The following DPYSL3 variants were observed in gnomAD, a reference collection of about 807,000 sequenced individuals.
DPYSL3 encodes the protein dihydropyrimidinase like 3, also known as dihydropyrimidinase-related protein 3.
DPYSL3 carries 16 observed loss-of-function variants against 66.1 expected under a neutral mutation model. The ratio of observed to expected loss-of-function variants is 0.24; its 90% CI spans 0.16 to 0.37. DPYSL3 has a LOEUF of 0.37. Ranked by LOEUF, DPYSL3 falls within the 10% of genes least tolerant of loss-of-function variation. The probability of loss-of-function intolerance (pLI) is 1.00; values close to 1 mark genes in which losing one functional copy is unlikely to be tolerated. For synonymous variants in DPYSL3, 338 were observed against 345.1 expected, an observed-to-expected ratio of 0.98 and a Z score of 0.23; for missense variants, 738 against 916.2, an observed-to-expected ratio of 0.81 and a Z score of 2.51.
At chr5:147,433,318 G>A (rs1245587158) in intron 1 of DPYSL3, among the ~76,000 whole-genome samples, 1 of 152,182 alleles carries the variant, frequency 6.6e-6, no homozygotes, top group Non-Finnish European at 1.5e-5. Flanking sequence ...GATGGGGAAA[G>A]AGGCAGGGTG....
chr5:147,474,985 C>T (rs1205573027), intron 1 of DPYSL3, among the ~76,000 whole-genome samples: 4 of 151,892 alleles, frequency 2.6e-5, no homozygotes, highest in African/African-American at 9.7e-5. Flanking sequence ...GCACTTTTCT[C>T]ACATATTACT....
At chr5:147,441,034 A>G (rs1752522835) in intron 1 of DPYSL3, among the ~76,000 whole-genome samples, 2 of 152,230 alleles carry the variant, frequency 1.3e-5, no homozygotes, top group Admixed American at 1.3e-4. Context: ...CATATACACA[A>G]TTATGGTTGA....
chr5:147,487,515 T>C (rs1383740437), intron 1 of DPYSL3, among the ~76,000 whole-genome samples: 2 of 152,166 alleles, frequency 1.3e-5, no homozygotes, highest in African/African-American at 2.4e-5. Flanking sequence ...CTGTGCCACT[T>C]TTCTTTTATT....
In DPYSL3 at chr5:147,412,615, A is replaced by G; in HGVS notation, c.956T>C (p.Ile319Thr). ...AQVHAENGDI[I>T]AQEQTRMLEM... ...GGAGCTGCACGGTGTTACCTGGGCA[A>G]TGATATCCCCATTCTCAGCATGAAC... The change falls in exon 6 of 14, where the codon ATT becomes ACT. Residue 319 changes from isoleucine (I) to threonine (T), a missense_variant. Transcript: ENST00000343218. 1 of 1,612,316 alleles carries G rather than the reference A, an allele frequency of 6.2e-7. No homozygotes were observed. The highest frequency in any genetic ancestry group is 8.5e-7 in the Non-Finnish European group (1 of 1,179,208).
At chr5:147,403,643 A>G (rs1195535670) in intron 8 of DPYSL3, among the ~76,000 whole-genome samples, 1 of 152,180 alleles carries the variant, frequency 6.6e-6, no homozygotes, top group African/African-American at 2.4e-5. Context: ...GAGCAGCCAT[A>G]TAGTTAAAGA....
chr5:147,500,025 C>CA (rs1472496456), intron 1 of DPYSL3, among the ~76,000 whole-genome samples: 1 of 152,054 alleles, frequency 6.6e-6, no homozygotes, highest in Non-Finnish European at 1.5e-5. Flanking sequence ...ATGCCATTCA[C>CA]AAAAAATAAC....
chr5:147,442,370 T>A (rs929654539), intron 1 of DPYSL3, among the ~76,000 whole-genome samples: 4 of 152,124 alleles, frequency 2.6e-5, no homozygotes, highest in Non-Finnish European at 4.4e-5. Context: ...AGAAAACAAA[T>A]GTGCTCATTC....
At chr5:147,406,531 G>A (rs1210907258) in intron 7 of DPYSL3, among the ~76,000 whole-genome samples, 1 of 152,162 alleles carries the variant, frequency 6.6e-6, no homozygotes, top group East Asian at 1.9e-4. Context: ...GGGCTGTGGT[G>A]AGGATTAAAT....
chr5:147,475,132 C>T lies in DPYSL3; in HGVS notation c.381+34346G>A, dbSNP rs188454797. On this transcript the variant is annotated intron_variant, in intron 1 of 13. Transcript: ENST00000343218. ...CCAGAGAAATGAAAACTTACATCCC[C>T]GCAAAAACCTGTAGGGGAATGTTCA... Among the ~76,000 whole-genome samples, 6 of 152,130 alleles carry T rather than the reference C, an allele frequency of 3.9e-5. No homozygotes were observed. The East Asian group carries it at 5.8e-4, about 15-fold the overall frequency.
At chr5:147,491,357 T>G (rs1412059477) in intron 1 of DPYSL3, among the ~76,000 whole-genome samples, 1 of 152,166 alleles carries the variant, frequency 6.6e-6, no homozygotes, top group Non-Finnish European at 1.5e-5. Flanking sequence ...AGAGTTCCTT[T>G]TACTCAGTAC....
intron 8 of DPYSL3, among the ~76,000 whole-genome samples, chr5:147,403,428 C>T (rs549914599): frequency 2.6e-5 from 4 of 152,192 alleles, no homozygotes; most frequent in South Asian, 2.1e-4. Context: ...ATAGTAATTA[C>T]ACCTAGATTT....
intron 1 of DPYSL3, among the ~76,000 whole-genome samples, chr5:147,432,050 G>A (rs1004780515): frequency 6.6e-6 from 1 of 152,134 alleles, no homozygotes; most frequent in African/African-American, 2.4e-5. Flanking sequence ...ATTGGGCATA[G>A]TTTACCAGGG....
At chr5:147,394,160 AAC>A (rs756308152) in intron 13 of DPYSL3, 37 bp from the exon 14 acceptor site, 20 of 1,607,382 alleles carry the variant, frequency 1.2e-5, no homozygotes, top group African/African-American at 5.4e-5. Flanking sequence ...GGAAAAAAAA[AAC>A]AGAGTGGCGG....
Position 147,509,897 on chromosome 5 carries a change from C to T in DPYSL3, c.-39G>A. 2.7e-6 allele frequency: 4 copies of T among 1,477,924 alleles called. No individual in the cohort carries two copies. Among genetic ancestry groups the T allele is most frequent in the Non-Finnish European group, 3.6e-6 (4 of 1,115,568 alleles). The allele number at this position is 1,477,924 out of a possible 1,614,324, so 91.6% of individuals were successfully genotyped here. On this transcript the variant is annotated 5_prime_UTR_variant, in exon 1 of 14. Transcript: ENST00000343218. The surrounding 1 kb of genome is among the most constrained non-coding windows in gnomAD (Gnocchi z 5.3). ...AAGCGGCCCGCGGGTTTTTCTTCCC[C>T]AGAGGCGGAAAGGGCAGCCGCCGGC...
chr5:147,458,597 T>C (rs1752886841), intron 1 of DPYSL3, among the ~76,000 whole-genome samples: 1 of 152,164 alleles, frequency 6.6e-6, no homozygotes, highest in South Asian at 2.1e-4. Flanking sequence ...AACCCTCTCT[T>C]AGGGTCTGGA....
intron 1 of DPYSL3, among the ~76,000 whole-genome samples, chr5:147,444,741 A>T (rs2126379626): frequency 6.6e-6 from 1 of 151,974 alleles, no homozygotes. Context: ...TTTAGAATAA[A>T]AACGAGTAAT....
intron 1 of DPYSL3, among the ~76,000 whole-genome samples, chr5:147,432,441 A>G (rs1321207363): frequency 6.6e-6 from 1 of 152,212 alleles, no homozygotes; most frequent in Admixed American, 6.5e-5. Context: ...AGATGTCATT[A>G]TCAAAGGGCC....
intron 1 of DPYSL3, among the ~76,000 whole-genome samples, chr5:147,460,288 G>A (rs1752914407): frequency 6.6e-6 from 1 of 152,168 alleles, no homozygotes; most frequent in African/African-American, 2.4e-5. Flanking sequence ...GAACTTATCT[G>A]AACTTCAGAA....
At chr5:147,423,442 A>G (rs1164589445) in intron 2 of DPYSL3, among the ~76,000 whole-genome samples, 2 of 152,232 alleles carry the variant, frequency 1.3e-5, no homozygotes, top group Non-Finnish European at 2.9e-5. Context: ...CAGAATAATA[A>G]TAGTACAGTA....
Sources: gnomAD v4.1 joint callset for allele counts (sites outside exome capture counted in the v4.1 genomes callset) on GRCh38, gnomAD v4.1.1 for gene constraint, Gnocchi (gnomAD v3.1) non-coding constraint, MANE v1.5 for transcripts, NCBI Gene and HGNC (gene_info 2026-07-23, HGNC 2026-07-21) for gene names.